The following ANKS1A variants were observed in gnomAD, a reference collection of about 807,000 sequenced individuals.
ANKS1A encodes ankyrin repeat and SAM domain-containing protein 1A.
Under a neutral mutation model 120.3 loss-of-function variants are expected in ANKS1A, and 55 were observed. The observed-to-expected ratio is 0.46, with a 90% CI of 0.37 to 0.57. The LOEUF (loss-of-function observed/expected upper bound fraction) is 0.57, where lower values mean the gene tolerates loss of function less well. ANKS1A is among the 20% of genes least tolerant of loss of function. The pLI is 0.00. For missense variants in ANKS1A, 1,123 were observed against 1,480.3 expected, an observed-to-expected ratio of 0.76 and a Z score of 3.96; for synonymous variants, 590 against 604.7, an observed-to-expected ratio of 0.98 and a Z score of 0.36.
chr6:34,998,734 G>A (rs553786474), intron 10 of ANKS1A, among the ~76,000 whole-genome samples: 5 of 152,188 alleles, frequency 3.3e-5, no homozygotes, highest in East Asian at 1.9e-4. Context: ...CGGGGAGCTC[G>A]GATTTTAAGA....
At chr6:35,079,484 A>G (rs756530495) in intron 14 of ANKS1A, 32 bp from the exon 15 acceptor site, 2 of 1,612,024 alleles carry the variant, frequency 1.2e-6, no homozygotes, top group Admixed American at 3.3e-5. Context: ...GAGTGCTGAG[A>G]TGTCAGTTTC....
intron 13 of ANKS1A, among the ~76,000 whole-genome samples, chr6:35,065,213 C>T (rs556742701): frequency 1.5e-5 from 2 of 136,294 alleles, no homozygotes; most frequent in African/African-American, 2.6e-5. Flanking sequence ...TCTTGCCCCC[C>T]CTCCCTTTCA....
intron 10 of ANKS1A, among the ~76,000 whole-genome samples, chr6:35,006,673 T>A (rs1773475146): frequency 1.3e-5 from 2 of 152,162 alleles, no homozygotes; most frequent in Non-Finnish European, 2.9e-5. Flanking sequence ...GAGAATGGCA[T>A]GAACCCGGGA....
chr6:34,969,990 G>A lies in ANKS1A; in HGVS notation c.279-20G>A, dbSNP rs1418119851. 1 of 1,611,224 alleles carries A rather than the reference G, an allele frequency of 6.2e-7. No individual in the cohort carries two copies. Among genetic ancestry groups the A allele is most frequent in the Admixed American group, 1.7e-5 (1 of 59,636 alleles). On this transcript the variant is annotated intron_variant, in intron 2 of 23. Coordinates refer to ENST00000360359, the MANE Select transcript of ANKS1A (RefSeq NM_015245.3). ...AGACTTCTGAGTTCTACCAACTCAT[G>A]ATTGATTTTTGCCTTCTAGGGATGT...
intron 13 of ANKS1A, among the ~76,000 whole-genome samples, chr6:35,072,213 G>A (rs565834708): frequency 6.6e-5 from 10 of 152,366 alleles, no homozygotes; most frequent in African/African-American, 2.4e-4. Context: ...TGTGGGTCCT[G>A]CAGTAGCCCC....
At chr6:34,976,094 C>T (rs931282565) in intron 3 of ANKS1A, among the ~76,000 whole-genome samples, 8 of 130,614 alleles carry the variant, frequency 6.1e-5, no homozygotes, top group East Asian at 4.6e-4. Flanking sequence ...GCCAAGGTTA[C>T]GCCACTGCAC....
chr6:35,034,723 G>A (rs1775071351), intron 11 of ANKS1A, among the ~76,000 whole-genome samples: 1 of 152,154 alleles, frequency 6.6e-6, no homozygotes, highest in Non-Finnish European at 1.5e-5. Flanking sequence ...CTTCACTGTT[G>A]TGCTAGAAAA....
intron 7 of ANKS1A, among the ~76,000 whole-genome samples, chr6:34,983,790 A>T (rs887659400): frequency 1.1e-4 from 15 of 136,662 alleles, no homozygotes; most frequent in East Asian, 2.1e-4. Context: ...CGAGTAATAA[A>T]TTTTTTTTTT....
At position 35,025,181 on chromosome 6, in the gene ANKS1A, G is replaced by A. The variant is rs139592154; in HGVS notation, c.2010+7122G>A. Among the ~76,000 whole-genome samples, 605 of 151,626 alleles carry A rather than the reference G, an allele frequency of 4.0e-3. 5 individuals carry two copies. The highest frequency in any genetic ancestry group is 6.4e-3 in the Non-Finnish European group (434 of 67,904). ...TAAAATAATCTCATTTATTTTATAG[G>A]CAGCCCTAAATAAACAGTTTTGGCC... On this transcript the variant is annotated intron_variant, in intron 11 of 23. Transcript: ENST00000360359.
intron 11 of ANKS1A, among the ~76,000 whole-genome samples, chr6:35,026,325 A>G (rs546249046): frequency 2.6e-5 from 4 of 152,334 alleles, no homozygotes; most frequent in African/African-American, 9.6e-5. Flanking sequence ...ATTGAAGTAT[A>G]TTTGTATTAC....
At chr6:35,021,202 G>A (rs915288191) in intron 11 of ANKS1A, among the ~76,000 whole-genome samples, 8 of 152,228 alleles carry the variant, frequency 5.3e-5, no homozygotes, top group African/African-American at 1.4e-4. Context: ...GCCTGTAGCC[G>A]GCTTTGCCAT....
In ANKS1A at chr6:35,089,698, G is replaced by A. The variant is rs755806325; in HGVS notation, c.*1089G>A. ...GGCCTTTGGGGCAGGCTGGCATCCC[G>A]GTGCGCCTCTGCTTCTTAAGCTTTC... On this transcript the variant is annotated 3_prime_UTR_variant, in exon 24 of 24. Coordinates refer to ENST00000360359, the MANE Select transcript of ANKS1A (RefSeq NM_015245.3). The A allele has an allele frequency of 4.1e-5, 41 of 992,170 alleles. No homozygotes were observed. Among genetic ancestry groups the A allele is most frequent in the Admixed American group, 1.8e-4 (3 of 17,008 alleles). The allele number at this position is 992,170 out of a possible 1,614,324, so 61.5% of individuals were successfully genotyped here. A position where few individuals can be genotyped will look rare whatever the true frequency, so the allele number is the denominator to read the frequency against.
At chr6:34,890,335 C>G (rs1366538682) in intron 1 of ANKS1A, among the ~76,000 whole-genome samples, 1 of 152,200 alleles carries the variant, frequency 6.6e-6, no homozygotes, top group Non-Finnish European at 1.5e-5. Context: ...CAGGAACCGC[C>G]CGCCTCGGCT....
At chr6:34,894,663 C>T (rs1332763224) in intron 1 of ANKS1A, among the ~76,000 whole-genome samples, 1 of 151,796 alleles carries the variant, frequency 6.6e-6, no homozygotes, top group Non-Finnish European at 1.5e-5. Flanking sequence ...ACACCACCAC[C>T]CCCCAAAAAA....
At chr6:35,055,733 G>A (rs1776193426) in intron 12 of ANKS1A, among the ~76,000 whole-genome samples, 1 of 152,194 alleles carries the variant, frequency 6.6e-6, no homozygotes, top group African/African-American at 2.4e-5. Context: ...TTTCAGTCCT[G>A]GTTCCCAGAG....
intron 1 of ANKS1A, among the ~76,000 whole-genome samples, chr6:34,949,399 AG>A (rs1396820100): frequency 1.3e-5 from 2 of 152,196 alleles, no homozygotes; most frequent in Non-Finnish European, 2.9e-5. Context: ...CATTGGTAAG[AG>A]AGAGCTCTGA....
At chr6:35,000,124 A>C (rs1036586414) in intron 10 of ANKS1A, among the ~76,000 whole-genome samples, 18 of 152,188 alleles carry the variant, frequency 1.2e-4, no homozygotes, top group African/African-American at 4.1e-4. Context: ...CTTTGTTGTC[A>C]GTGTAGTCAG....
At position 35,084,356 on chromosome 6, in the gene ANKS1A, C is replaced by G. The variant is rs1777852591; in HGVS notation, c.3132+98C>G. The G allele has an allele frequency of 6.8e-6, 10 of 1,472,448 alleles. No homozygotes were observed. The highest frequency in any genetic ancestry group is 9.0e-6 in the Non-Finnish European group (10 of 1,105,096). The allele number at this position is 1,472,448 out of a possible 1,614,324, so 91.2% of individuals were successfully genotyped here. A position where few individuals can be genotyped will look rare whatever the true frequency, so the allele number is the denominator to read the frequency against. On this transcript the variant is annotated intron_variant, in intron 21 of 23. Coordinates refer to ENST00000360359, the MANE Select transcript of ANKS1A (RefSeq NM_015245.3). This position sits in a 1 kb window ranked among gnomAD's most constrained non-coding sequence, Gnocchi z 4.8. ...CACAGATGCGGCGCTGTCCTGGCCC[C>G]TGGCCAGTGCCTGGCAAATGTTTGG...
At chr6:34,999,982 A>G (rs1365182710) in intron 10 of ANKS1A, among the ~76,000 whole-genome samples, 1 of 152,182 alleles carries the variant, frequency 6.6e-6, no homozygotes, top group Non-Finnish European at 1.5e-5. Flanking sequence ...CAAAGAGAGA[A>G]AAAGAGAAAG....
Sources: allele counts gnomAD v4.1 joint callset (sites outside exome capture counted in the v4.1 genomes callset), GRCh38; gene constraint gnomAD v4.1.1; non-coding constraint Gnocchi (gnomAD v3.1); transcripts MANE v1.5; gene names NCBI Gene and HGNC (gene_info 2026-07-23, HGNC 2026-07-21).